The following ARHGAP32 variants were observed in gnomAD, a reference collection of about 807,000 sequenced individuals.
ARHGAP32 encodes Rho GTPase activating protein 32.
In ARHGAP32, 51 loss-of-function variants were observed where a neutral mutation model predicts 186.5. The observed-to-expected ratio is 0.27, with a 90% CI of 0.22 to 0.35. ARHGAP32 has a LOEUF of 0.35. Ranked by LOEUF, ARHGAP32 falls within the 10% of genes least tolerant of loss-of-function variation. The probability of loss-of-function intolerance (pLI) is 1.00; values close to 1 mark genes in which losing one functional copy is unlikely to be tolerated. For missense variants in ARHGAP32, 2,186 were observed against 2,623.5 expected (o/e 0.83, Z 3.64); for synonymous variants, 950 against 964.3 (o/e 0.99, Z 0.27).
chr11:129,094,664 G>A (rs1276951084), intron 5 of ARHGAP32, among the ~76,000 whole-genome samples: 2 of 152,104 alleles, frequency 1.3e-5, no homozygotes, highest in Admixed American at 6.5e-5. Context: ...CAGTATCTAG[G>A]CTGAGTATTA....
intron 7 of ARHGAP32, 133 bp downstream of exon 7, chr11:129,066,598 G>T: frequency 1.4e-6 from 1 of 724,402 alleles, no homozygotes; most frequent in Non-Finnish European, 2.0e-6. Flanking sequence ...TAACTTTTCA[G>T]TTATGAAACA....
chr11:129,177,467 G>A (rs1321262723), intron 1 of ARHGAP32, among the ~76,000 whole-genome samples: 12 of 152,020 alleles, frequency 7.9e-5, no homozygotes, highest in Non-Finnish European at 1.0e-4. Context: ...TACCAAAGCC[G>A]GGCAGAGACA....
In ARHGAP32 at chr11:129,123,970, A is replaced by C; in HGVS notation, c.318-41T>G. 1 of 1,269,602 alleles carries C rather than the reference A, an allele frequency of 7.9e-7. No individual in the cohort carries two copies. The highest frequency in any genetic ancestry group is 1.0e-6 in the Non-Finnish European group (1 of 972,646). 78.6% of individuals were successfully genotyped at this position (1,269,602 alleles called of 1,614,324 possible). A position where few individuals can be genotyped will look rare whatever the true frequency, so the allele number is the denominator to read the frequency against. ...ACATTTTTATCCTTGTCTTTCCTCTACTTACACATGAAGCATAACTATCTA... is the reference window on the plus strand; with the variant it reads ...ACATTTTTATCCTTGTCTTTCCTCTCCTTACACATGAAGCATAACTATCTA... On this transcript the variant is annotated intron_variant, in intron 3 of 22. Transcript: ENST00000682385. This position sits in a 1 kb window ranked among gnomAD's most constrained non-coding sequence, Gnocchi z 4.6.
At position 129,228,721 on chromosome 11, in the gene ARHGAP32, G is replaced by A. The variant is rs540869440; in HGVS notation, c.-5+50425C>T. 8.5e-5 allele frequency among the ~76,000 whole-genome samples: 13 copies of A among 152,254 alleles called. 1 individual carries two copies. The highest frequency in any genetic ancestry group is 3.1e-4 in the African/African-American group (13 of 41,548). On this transcript the variant is annotated intron_variant, in intron 1 of 6. Transcript: ENST00000525234. ...GGGGCTTGTTGGGGAAGTGGGGGAA[G>A]GGAGAGCATCAAGATAAGTAGCTAA...
At chr11:129,217,801 G>A (rs1944664401) in intron 1 of ARHGAP32, among the ~76,000 whole-genome samples, 1 of 152,166 alleles carries the variant, frequency 6.6e-6, no homozygotes, top group African/African-American at 2.4e-5. Context: ...ACACGTCACT[G>A]AAGTCAGCTT....
At chr11:129,105,478 T>C (rs1420075951) in intron 5 of ARHGAP32, among the ~76,000 whole-genome samples, 2 of 152,196 alleles carry the variant, frequency 1.3e-5, no homozygotes, top group Admixed American at 1.3e-4. Context: ...GGCTTTTTCA[T>C]TGATTTTTAT....
chr11:129,007,435 T>C (rs1016796571), intron 11 of ARHGAP32, among the ~76,000 whole-genome samples: 12 of 151,918 alleles, frequency 7.9e-5, no homozygotes, highest in African/African-American at 2.9e-4. Flanking sequence ...CTGCAGGTGA[T>C]GAGGCCTGCT....
At chr11:129,212,441 T>C (rs773160730) in intron 1 of ARHGAP32, among the ~76,000 whole-genome samples, 3 of 152,186 alleles carry the variant, frequency 2.0e-5, no homozygotes, top group Non-Finnish European at 2.9e-5. Flanking sequence ...ATCTGAAAGA[T>C]GGCAAGTCAC....
At chr11:129,252,226 C>A (rs1009141524) in intron 1 of ARHGAP32, among the ~76,000 whole-genome samples, 4 of 152,174 alleles carry the variant, frequency 2.6e-5, no homozygotes, top group African/African-American at 9.7e-5. Flanking sequence ...TTACTCTCAA[C>A]TGTAGTCGTG....
chr11:128,981,724 A>T lies in ARHGAP32; in HGVS notation c.1634+105T>A. The stretch of plus-strand genomic sequence containing the variant: ...GTTTTAGGGAGATGCAAATAAAAAG[A>T]ACAGATTTGTTTAATCTTTTAAAAG... On this transcript the variant is annotated intron_variant, in intron 16 of 22. Coordinates refer to ENST00000682385, the MANE Select transcript of ARHGAP32 (RefSeq NM_001378024.1). 3 of 1,153,464 alleles carry T rather than the reference A, an allele frequency of 2.6e-6. No homozygotes were observed. In the South Asian group the frequency reaches 4.7e-5, roughly 18 times the overall value. 71.5% of individuals were successfully genotyped at this position (1,153,464 alleles called of 1,614,324 possible).
intron 1 of ARHGAP32, among the ~76,000 whole-genome samples, chr11:129,174,270 G>A (rs974535065): frequency 4.6e-5 from 7 of 152,336 alleles, no homozygotes; most frequent in East Asian, 1.9e-4. Context: ...ATTATATCCC[G>A]CACATGGCTC....
intron 10 of ARHGAP32, among the ~76,000 whole-genome samples, chr11:129,050,732 C>T (rs2212397): frequency 0.89 from 135,633 of 152,212 alleles, 60,708 homozygotes; most frequent in African/African-American, 0.97. Context: ...CCATGGTGGT[C>T]TGCTGCACCC....
At chr11:129,063,806 T>C (rs1327959479) in intron 9 of ARHGAP32, 96 bp downstream of exon 9, 2 of 1,352,962 alleles carry the variant, frequency 1.5e-6, no homozygotes, top group Non-Finnish European at 2.0e-6. Context: ...GTGCTTTTCA[T>C]TTTTTTAAAA....
chr11:129,255,438 AG>A (rs2135699865), intron 1 of ARHGAP32, among the ~76,000 whole-genome samples: 1 of 152,240 alleles, frequency 6.6e-6, no homozygotes, highest in South Asian at 2.1e-4. Context: ...CTTTTACAGA[AG>A]AAAATAAAAC....
intron 2 of ARHGAP32, among the ~76,000 whole-genome samples, chr11:129,144,534 G>A (rs756570963): frequency 6.6e-6 from 1 of 152,132 alleles, no homozygotes; most frequent in South Asian, 2.1e-4. Flanking sequence ...GGGCACCACA[G>A]ACCAGGCTCA....
intron 1 of ARHGAP32, among the ~76,000 whole-genome samples, chr11:129,177,196 A>G (rs1372230250): frequency 6.6e-6 from 1 of 152,226 alleles, no homozygotes; most frequent in Non-Finnish European, 1.5e-5. Flanking sequence ...GAAGAAATGG[A>G]TAAATTCCTT....
chr11:129,041,069 C>A (rs1317045533), intron 10 of ARHGAP32, 60 bp from the exon 11 acceptor site: 3 of 1,126,618 alleles, frequency 2.7e-6, no homozygotes, highest in African/African-American at 1.5e-5. Context: ...TATGTGAACA[C>A]TGCCAACTGA....
chr11:129,146,160 T>C (rs953738182), intron 2 of ARHGAP32, among the ~76,000 whole-genome samples: 1 of 152,156 alleles, frequency 6.6e-6, no homozygotes. Flanking sequence ...AGGATACTGA[T>C]TTAAAAAACA....
chr11:129,189,246 T>C (rs1944226508), intron 1 of ARHGAP32, among the ~76,000 whole-genome samples: 1 of 152,182 alleles, frequency 6.6e-6, no homozygotes, highest in South Asian at 2.1e-4. Context: ...GTCAGTTACA[T>C]CTGGGTTCAA....
Sources: gnomAD v4.1 joint callset for allele counts (sites outside exome capture counted in the v4.1 genomes callset) on GRCh38, gnomAD v4.1.1 for gene constraint, Gnocchi (gnomAD v3.1) non-coding constraint, MANE v1.5 for transcripts, NCBI Gene and HGNC (gene_info 2026-07-23, HGNC 2026-07-21) for gene names.